The following ATOSA variants were observed in gnomAD, a reference collection of about 807,000 sequenced individuals.
ATOSA encodes the protein atos homolog A, also known as atos homolog protein A.
At chr15:52,614,500 C>CA in the ATOSA span, among the ~76,000 whole-genome samples, 1 of 151,654 alleles carries the variant, frequency 6.6e-6, no homozygotes, top group South Asian at 2.1e-4. Context: ...GAGAGTAAGA[C>CA]AAAAACAACT....
the ATOSA span, chr15:52,609,690 A>G: frequency 3.3e-3 from 5,275 of 1,613,712 alleles, 155 homozygotes; most frequent in African/African-American, 0.063. Context: ...AAACCCGGAA[A>G]AGTTTTGAAT....
chr15:52,613,862 T>C, the ATOSA span: 1 of 1,612,342 alleles, frequency 6.2e-7, no homozygotes, highest in Admixed American at 1.7e-5. Flanking sequence ...GAGTATCTGA[T>C]ATAAAAAAGG....
At chr15:52,601,529 G>GAAA in the ATOSA span, among the ~76,000 whole-genome samples, 3 of 112,896 alleles carry the variant, frequency 2.7e-5, no homozygotes, top group Non-Finnish European at 5.9e-5. Flanking sequence ...ACTTAAAAAG[G>GAAA]AAAAAAAAAA....
At chr15:52,675,497 T>C in the ATOSA span, among the ~76,000 whole-genome samples, 1 of 152,260 alleles carries the variant, frequency 6.6e-6, no homozygotes, top group Non-Finnish European at 1.5e-5. Context: ...TTTAACTCTT[T>C]GAAGCACAGC....
the ATOSA span, among the ~76,000 whole-genome samples, chr15:52,698,225 C>T: frequency 3.3e-5 from 5 of 151,674 alleles, no homozygotes; most frequent in South Asian, 2.1e-4. Flanking sequence ...ATGATCTGCC[C>T]GCCTCGGCCT....
At chr15:52,662,649 A>G in the ATOSA span, among the ~76,000 whole-genome samples, 135 of 151,922 alleles carry the variant, frequency 8.9e-4, 1 homozygote, top group Admixed American at 2.1e-3. Flanking sequence ...GGGTGCCTGT[A>G]GTCCCAGCTG....
chr15:52,638,217 G>T, the ATOSA span, among the ~76,000 whole-genome samples: 2 of 152,308 alleles, frequency 1.3e-5, no homozygotes, highest in Admixed American at 6.5e-5. Flanking sequence ...GAGTGCTGAA[G>T]AAATTTTAAA....
the ATOSA span, chr15:52,584,942 G>C: frequency 3.1e-6 from 5 of 1,600,782 alleles, no homozygotes; most frequent in Middle Eastern, 5.0e-4. Flanking sequence ...GATTAAATAA[G>C]GTCTGAAGAA....
chr15:52,628,831 T>C, the ATOSA span, among the ~76,000 whole-genome samples: 1 of 151,818 alleles, frequency 6.6e-6, no homozygotes, highest in Non-Finnish European at 1.5e-5. Context: ...ATAGTACAAT[T>C]GATGACTTCA....
At chr15:52,608,690 AT>A in the ATOSA span, 1 of 1,612,356 alleles carries the variant, frequency 6.2e-7, no homozygotes. Flanking sequence ...TCATTTTTTA[AT>A]TGGTCTGACT....
the ATOSA span, among the ~76,000 whole-genome samples, chr15:52,661,952 A>AAC: frequency 6.8e-3 from 1,010 of 149,276 alleles, 15 homozygotes; most frequent in African/African-American, 0.024. Flanking sequence ...AAAAAAAAAA[A>AAC]CAGCAAAAAA....
the ATOSA span, among the ~76,000 whole-genome samples, chr15:52,692,824 CT>C: frequency 2.7e-5 from 4 of 148,292 alleles, no homozygotes; most frequent in Admixed American, 6.7e-5. Context: ...AGCACAGGGC[CT>C]TTTTTTTTTG....
chr15:52,625,577 C>A, the ATOSA span, among the ~76,000 whole-genome samples: 2 of 152,130 alleles, frequency 1.3e-5, no homozygotes, highest in African/African-American at 4.8e-5. Flanking sequence ...CTTTTAAAAG[C>A]AATTTTCTGA....
At chr15:52,707,448 G>A in the ATOSA span, among the ~76,000 whole-genome samples, 5 of 152,068 alleles carry the variant, frequency 3.3e-5, no homozygotes, top group Non-Finnish European at 5.9e-5. Flanking sequence ...AGATAAACCC[G>A]TCAAGAACAT....
At chr15:52,709,336 C>T in the ATOSA span, among the ~76,000 whole-genome samples, 937 of 152,252 alleles carry the variant, frequency 6.2e-3, 9 homozygotes, top group Non-Finnish European at 9.6e-3. Flanking sequence ...CCTATCATTG[C>T]AAAATCATTG....
At chr15:52,664,274 T>C in the ATOSA span, among the ~76,000 whole-genome samples, 2 of 152,206 alleles carry the variant, frequency 1.3e-5, no homozygotes, top group Admixed American at 1.3e-4. Context: ...ATCTAAGTAC[T>C]ACTGTTAGTA....
At chr15:52,619,832 A>G in the ATOSA span, among the ~76,000 whole-genome samples, 2 of 148,578 alleles carry the variant, frequency 1.3e-5, no homozygotes, top group African/African-American at 4.9e-5. Flanking sequence ...GTCTTAAAAA[A>G]AAAAGAAAAG....
At chr15:52,585,273 T>C in the ATOSA span, 5 of 180,440 alleles carry the variant, frequency 2.8e-5, no homozygotes, top group African/African-American at 1.2e-4. Context: ...AATACATCCT[T>C]ATTGGGTTAA....
At chr15:52,629,586 G>A in the ATOSA span, 1 of 394,600 alleles carries the variant, frequency 2.5e-6, no homozygotes, top group African/African-American at 2.2e-5. Context: ...GGCACATCAT[G>A]AGCTCAGGAG....
Sources: allele counts gnomAD v4.1 joint callset (sites outside exome capture counted in the v4.1 genomes callset), GRCh38; gene constraint gnomAD v4.1.1; transcripts MANE v1.5; gene names NCBI Gene and HGNC (gene_info 2026-07-23, HGNC 2026-07-21).